RIPOR3: variants seen among roughly 807,000 people sequenced by gnomAD.
RIPOR3 encodes the protein family with sequence similarity 65 member C.
A neutral mutation model predicts 114.3 loss-of-function variants in RIPOR3; 95 were observed. That is an observed-to-expected ratio of 0.83 (90% CI 0.70 to 0.99). RIPOR3 has a LOEUF of 0.99. Among genes scored for constraint, RIPOR3 ranks in the 50% least tolerant of loss-of-function variants. RIPOR3 has a pLI of 0.00. For synonymous variants in RIPOR3, 575 were observed against 543.8 expected (o/e 1.06, Z -0.80); for missense variants, 1,252 against 1,266.9 (o/e 0.99, Z 0.18).
At chr20:50,649,071 A>G (rs1009726108) in intron 1 of RIPOR3, among the ~76,000 whole-genome samples, 7 of 152,140 alleles carry the variant, frequency 4.6e-5, no homozygotes, top group Admixed American at 4.6e-4. Flanking sequence ...CATGACGCCA[A>G]TCTCTGCTTC....
chr20:50,595,598 C>G, intron 15 of RIPOR3, 94 bp from the exon 16 acceptor site: 1 of 1,527,838 alleles, frequency 6.5e-7, no homozygotes, highest in South Asian at 1.2e-5. Flanking sequence ...GTGCCCATCT[C>G]TTCTGTCCCG....
At chr20:50,625,070 G>GTTTT (rs11482142) in intron 2 of RIPOR3, among the ~76,000 whole-genome samples, 1 of 136,760 alleles carries the variant, frequency 7.3e-6, no homozygotes, top group Admixed American at 7.1e-5. Flanking sequence ...CAGTGCTTTT[G>GTTTT]TTTTTTTTTT....
intron 1 of RIPOR3, 110 bp from the exon 2 acceptor site, chr20:50,630,966 G>C (rs2084801526): frequency 2.4e-6 from 2 of 843,830 alleles, no homozygotes; most frequent in Admixed American, 4.3e-5. Context: ...GCCCCAGAGT[G>C]TTGTGGGGGC....
intron 15 of RIPOR3, 33 bp downstream of exon 15, chr20:50,596,107 G>A (rs577491042): frequency 6.2e-7 from 1 of 1,613,572 alleles, no homozygotes; most frequent in East Asian, 2.2e-5. Context: ...ACCCCTGTCT[G>A]CCCCTCCCTG....
intron 1 of RIPOR3, among the ~76,000 whole-genome samples, chr20:50,664,795 C>T (rs568029689): frequency 1.3e-5 from 2 of 151,938 alleles, no homozygotes; most frequent in South Asian, 2.1e-4. Flanking sequence ...AGTGGGAAAT[C>T]GGTGGGGGAA....
intron 1 of RIPOR3, among the ~76,000 whole-genome samples, chr20:50,651,453 T>C (rs1410954317): frequency 1.3e-5 from 2 of 152,284 alleles, no homozygotes; most frequent in East Asian, 3.9e-4. Context: ...CTGGGATCAT[T>C]TGTTACACAG....
intron 2 of RIPOR3, among the ~76,000 whole-genome samples, chr20:50,627,993 G>A (rs1057410445): frequency 1.3e-5 from 2 of 152,236 alleles, no homozygotes; most frequent in African/African-American, 2.4e-5. Context: ...CACCTGGGCC[G>A]GATGGCCCCC....
At chr20:50,614,059 A>G (rs751126563) in intron 4 of RIPOR3, among the ~76,000 whole-genome samples, 2 of 152,146 alleles carry the variant, frequency 1.3e-5, no homozygotes, top group Non-Finnish European at 2.9e-5. Context: ...TCATTGAAAC[A>G]GAGTCTGGCT....
chr20:50,634,759 G>A (rs563188215), intron 1 of RIPOR3, among the ~76,000 whole-genome samples: 13 of 152,346 alleles, frequency 8.5e-5, no homozygotes, highest in African/African-American at 2.2e-4. Flanking sequence ...AAGGCTGAGC[G>A]CAGTGGCTCA....
intron 2 of RIPOR3, among the ~76,000 whole-genome samples, chr20:50,625,114 A>G (rs2084571335): frequency 1.3e-5 from 2 of 150,460 alleles, no homozygotes; most frequent in Admixed American, 1.3e-4. Context: ...TCTGTCTCCC[A>G]GGCTGGAATG....
intron 1 of RIPOR3, among the ~76,000 whole-genome samples, chr20:50,644,006 C>A (rs2085299757): frequency 6.6e-6 from 1 of 152,078 alleles, no homozygotes; most frequent in Non-Finnish European, 1.5e-5. Context: ...AGCCACCGCA[C>A]CCAGCTGGGA....
chr20:50,591,105 A>C (rs6020622), intron 19 of RIPOR3, among the ~76,000 whole-genome samples: 6,462 of 152,296 alleles, frequency 0.042, 253 homozygotes, highest in African/African-American at 0.1. Context: ...TTGCAAGCAG[A>C]GAAAGAAACG....
chr20:50,609,638 G>T lies in RIPOR3; in HGVS notation c.511C>A (p.Pro171Thr). The change falls in exon 7 of 22, where the codon CCC (proline) becomes ACC (threonine). Residue 171 changes from proline to threonine, a missense_variant. Pro to Thr is a conservative substitution (Grantham distance 38, BLOSUM62 -1). Transcript: ENST00000327979. ...CTCTCTCGGGCTGCGCGGCTCGGGGGGCACCGGGCGAAGGCCCGCTGCATG... is the reference window on the plus strand; with the variant it reads ...CTCTCTCGGGCTGCGCGGCTCGGGGTGCACCGGGCGAAGGCCCGCTGCATG... Reference protein sequence around the residue: ...SSMQRAFARCPPSRAARESLQ... With the variant: ...SSMQRAFARCTPSRAARESLQ... 1 of 1,401,070 alleles carries T rather than the reference G, an allele frequency of 7.1e-7. No homozygotes were observed. The allele number at this position is 1,401,070 out of a possible 1,614,324, so 86.8% of individuals were successfully genotyped here. A position where few individuals can be genotyped will look rare whatever the true frequency, so the allele number is the denominator to read the frequency against.
intron 2 of RIPOR3, among the ~76,000 whole-genome samples, chr20:50,630,258 G>T (rs748179481): frequency 2.6e-5 from 4 of 152,092 alleles, no homozygotes. Flanking sequence ...ATGAGCCACC[G>T]TGCCCAGCCC....
At chr20:50,685,819 CAAAAAA>C (rs541595639) in intron 1 of RIPOR3, among the ~76,000 whole-genome samples, 3 of 113,032 alleles carry the variant, frequency 2.7e-5, no homozygotes, top group African/African-American at 6.9e-5. Flanking sequence ...GACTCTGTCT[CAAAAAA>C]AAAAAAAAAA....
At position 50,636,928 on chromosome 20, in the gene RIPOR3, C is replaced by T. The variant is rs894051642; in HGVS notation, c.4-6072G>A. ...GCTGGGTGGCTTTTATGCCTGAGTC[C>T]CTCACTTAGGGCTCCTTTTTATCCA... On this transcript the variant is annotated intron_variant, in intron 1 of 21. Transcript: ENST00000327979. The T allele has an allele frequency of 8.1e-6, 8 of 984,654 alleles. No homozygotes were observed. In the African/African-American group the frequency reaches 1.2e-4, roughly 15 times the overall value. 61.0% of individuals were successfully genotyped at this position (984,654 alleles called of 1,614,324 possible). A position where few individuals can be genotyped will look rare whatever the true frequency, so the allele number is the denominator to read the frequency against.
intron 1 of RIPOR3, among the ~76,000 whole-genome samples, chr20:50,684,060 G>A (rs188121995): frequency 1.3e-5 from 2 of 151,892 alleles, no homozygotes; most frequent in African/African-American, 2.4e-5. Context: ...CATCCTGGGC[G>A]ACAGTGTGAG....
intron 1 of RIPOR3, among the ~76,000 whole-genome samples, chr20:50,690,569 G>A (rs2087177461): frequency 1.3e-5 from 2 of 152,164 alleles, no homozygotes; most frequent in South Asian, 2.1e-4. Flanking sequence ...TGCTGCTTGG[G>A]ATAATTGCAG....
rs745775220 is a variant in RIPOR3, at chr20:50,611,215, G to C, written c.349-11C>G. 2 of 1,614,134 alleles carry C rather than the reference G, an allele frequency of 1.2e-6. No individual in the cohort carries two copies. Among genetic ancestry groups the C allele is most frequent in the South Asian group, 2.2e-5 (2 of 91,082 alleles). Reference sequence around the variant, plus strand: ...GTCATAATAGAAAGCCTGTGAGGGAGGAAAGGAGGGCGGAAGAAGCTGTCA... The same window carrying C: ...GTCATAATAGAAAGCCTGTGAGGGACGAAAGGAGGGCGGAAGAAGCTGTCA... On this transcript the variant is annotated splice_polypyrimidine_tract_variant and intron_variant, in intron 4 of 21. Transcript: ENST00000327979.
Sources: allele counts gnomAD v4.1 joint callset (sites outside exome capture counted in the v4.1 genomes callset), GRCh38; gene constraint gnomAD v4.1.1; transcripts MANE v1.5; gene names NCBI Gene and HGNC (gene_info 2026-07-23, HGNC 2026-07-21).